CDK8: variants seen among roughly 807,000 people sequenced by gnomAD.
CDK8 encodes cyclin dependent kinase 8.
CDK8 carries 29 observed loss-of-function variants against 71.5 expected under a neutral mutation model. The ratio of observed to expected loss-of-function variants is 0.41; its 90% CI spans 0.30 to 0.55. CDK8 has a LOEUF of 0.55. Among genes scored for constraint, CDK8 ranks in the 20% least tolerant of loss-of-function variants. The probability of loss-of-function intolerance (pLI) is 0.37; values close to 1 mark genes in which losing one functional copy is unlikely to be tolerated. For missense variants in CDK8, 288 were observed against 572.6 expected (o/e 0.50, Z 5.07); for synonymous variants, 161 against 192.1 (o/e 0.84, Z 1.34).
At chr13:26,392,626 G>A (rs1252664666) in intron 6 of CDK8, among the ~76,000 whole-genome samples, 4 of 151,950 alleles carry the variant, frequency 2.6e-5, no homozygotes, top group Non-Finnish European at 5.9e-5. Flanking sequence ...ACACCCGGCC[G>A]AATTTATAAT....
Position 26,254,480 on chromosome 13 carries a change from C to G in CDK8, c.-162C>G. On this transcript the variant is annotated 5_prime_UTR_variant, in exon 1 of 13. Transcript: ENST00000381527. The surrounding 1 kb of genome is among the most constrained non-coding windows in gnomAD (Gnocchi z 6.7). ...CCCCTGGATGTCCCTGGCGCTTTCG[C>G]GGGGCCTCCTCCTGCTCTTGCCGCA... 1.8e-6 allele frequency: 1 copy of G among 552,704 alleles called. No homozygotes were observed. Among genetic ancestry groups the G allele is most frequent in the East Asian group, 3.4e-5 (1 of 29,006 alleles). The allele number at this position is 552,704 out of a possible 1,614,324, so 34.2% of individuals were successfully genotyped here. A position where few individuals can be genotyped will look rare whatever the true frequency, so the allele number is the denominator to read the frequency against.
At chr13:26,349,024 C>T (rs1186121865) in intron 2 of CDK8, 48 bp from the exon 3 acceptor site, 2 of 1,112,912 alleles carry the variant, frequency 1.8e-6, no homozygotes, top group Non-Finnish European at 2.8e-6. Context: ...GGGTTTTTTA[C>T]ATTATTTTTG....
intron 7 of CDK8, among the ~76,000 whole-genome samples, chr13:26,395,620 A>G (rs1875956595): frequency 6.6e-6 from 1 of 152,182 alleles, no homozygotes; most frequent in African/African-American, 2.4e-5. Flanking sequence ...TGTTTGAGCA[A>G]CTTGGATGCC....
intron 1 of CDK8, among the ~76,000 whole-genome samples, chr13:26,275,987 C>T (rs1378988684): frequency 6.6e-6 from 1 of 151,968 alleles, no homozygotes; most frequent in African/African-American, 2.4e-5. Flanking sequence ...CTCAGCCTCC[C>T]GAGTAGCTGG....
At chr13:26,367,886 A>G (rs868854634) in intron 4 of CDK8, among the ~76,000 whole-genome samples, 4 of 152,164 alleles carry the variant, frequency 2.6e-5, no homozygotes, top group Non-Finnish European at 5.9e-5. Context: ...TCTTTTTCTC[A>G]AAGAAGAGTC....
chr13:26,310,533 A>G (rs781373203), intron 1 of CDK8, among the ~76,000 whole-genome samples: 2 of 152,076 alleles, frequency 1.3e-5, no homozygotes, highest in Non-Finnish European at 2.9e-5. Flanking sequence ...TAGAGTTTTC[A>G]TAAGGAGTGT....
intron 1 of CDK8, among the ~76,000 whole-genome samples, chr13:26,335,581 A>G (rs914004969): frequency 2.0e-5 from 3 of 152,268 alleles, no homozygotes; most frequent in Non-Finnish European, 2.9e-5. Context: ...GAATGGAGCT[A>G]TCACCTACCT....
intron 1 of CDK8, among the ~76,000 whole-genome samples, chr13:26,282,515 T>C (rs915617721): frequency 6.6e-6 from 1 of 152,178 alleles, no homozygotes; most frequent in African/African-American, 2.4e-5. Flanking sequence ...AAACAAATGC[T>C]GAGAGGATTC....
At chr13:26,373,521 G>A (rs777380365) in intron 4 of CDK8, among the ~76,000 whole-genome samples, 1 of 152,164 alleles carries the variant, frequency 6.6e-6, no homozygotes, top group East Asian at 1.9e-4. Flanking sequence ...AATGGTGCAA[G>A]GGCCATCACA....
chr13:26,268,308 C>CACAG (rs1262327135), intron 1 of CDK8, among the ~76,000 whole-genome samples: 4 of 99,724 alleles, frequency 4.0e-5, no homozygotes, highest in Non-Finnish European at 6.7e-5. Flanking sequence ...CACACACACA[C>CACAG]AGTCCTGTGT....
intron 1 of CDK8, among the ~76,000 whole-genome samples, chr13:26,279,453 G>A (rs993670849): frequency 4.6e-5 from 7 of 151,620 alleles, no homozygotes; most frequent in Non-Finnish European, 1.0e-4. Context: ...CTTTCATGGG[G>A]TGCAGTAAGA....
At chr13:26,399,344 T>C (rs1232901368) in intron 9 of CDK8, among the ~76,000 whole-genome samples, 1 of 152,176 alleles carries the variant, frequency 6.6e-6, no homozygotes, top group African/African-American at 2.4e-5. Context: ...GTTAGTTCAT[T>C]GGTTTTCAAA....
intron 7 of CDK8, 83 bp downstream of exon 7, chr13:26,393,593 T>C (rs942784424): frequency 2.9e-6 from 4 of 1,372,700 alleles, no homozygotes; most frequent in Non-Finnish European, 4.0e-6. Context: ...TATATATTTT[T>C]AGCTGATGGA....
intron 1 of CDK8, among the ~76,000 whole-genome samples, chr13:26,334,842 C>T (rs1872908561): frequency 6.6e-6 from 1 of 152,122 alleles, no homozygotes; most frequent in African/African-American, 2.4e-5. Flanking sequence ...ACCTCATTGC[C>T]ACTTTCAGAA....
At chr13:26,354,650 C>CG (rs1873818086) in intron 4 of CDK8, among the ~76,000 whole-genome samples, 1 of 152,174 alleles carries the variant, frequency 6.6e-6, no homozygotes, top group South Asian at 2.1e-4. Context: ...ACTGCACATG[C>CG]GGGGGATCTA....
chr13:26,297,300 G>T (rs1873603047), intron 1 of CDK8, among the ~76,000 whole-genome samples: 1 of 146,450 alleles, frequency 6.8e-6, no homozygotes, highest in Non-Finnish European at 1.5e-5. Context: ...TTAAGAATAG[G>T]GGCCTTTAAA....
intron 1 of CDK8, among the ~76,000 whole-genome samples, chr13:26,255,802 A>T (rs1457218305): frequency 6.6e-6 from 1 of 152,158 alleles, no homozygotes; most frequent in Non-Finnish European, 1.5e-5. Flanking sequence ...CAGTTTAGTC[A>T]CCTGCTGTAT....
chr13:26,355,507 C>T (rs994170135), intron 4 of CDK8, among the ~76,000 whole-genome samples: 7 of 152,000 alleles, frequency 4.6e-5, no homozygotes, highest in Admixed American at 2.0e-4. Flanking sequence ...CCCAGCTACT[C>T]GGGAGGCTGA....
intron 1 of CDK8, among the ~76,000 whole-genome samples, chr13:26,310,318 C>T (rs1397226705): frequency 2.0e-5 from 3 of 152,158 alleles, no homozygotes; most frequent in African/African-American, 7.2e-5. Context: ...AACTTGTTCC[C>T]TCTATGTCTG....
Sources: allele counts gnomAD v4.1 joint callset (sites outside exome capture counted in the v4.1 genomes callset), GRCh38; gene constraint gnomAD v4.1.1; non-coding constraint Gnocchi (gnomAD v3.1); transcripts MANE v1.5; gene names NCBI Gene and HGNC (gene_info 2026-07-23, HGNC 2026-07-21).